Variants in CLIC4 observed in about 807,000 individuals in gnomAD.
The protein encoded by CLIC4 is chloride intracellular channel protein 4.
In CLIC4, 13 loss-of-function variants were observed where a neutral mutation model predicts 24.6. The ratio of observed to expected loss-of-function variants is 0.53; its 90% CI spans 0.34 to 0.84. The LOEUF (loss-of-function observed/expected upper bound fraction) is 0.84. CLIC4 is among the 40% of genes least tolerant of loss of function. The pLI is 0.01. For synonymous variants in CLIC4, 104 were observed against 111.3 expected, an observed-to-expected ratio of 0.93 and a Z score of 0.41; for missense variants, 227 against 301.7, an observed-to-expected ratio of 0.75 and a Z score of 1.83.
In CLIC4 at chr1:24,840,906, A is replaced by G. The variant is rs1189866820; in HGVS notation, c.731A>G (p.Tyr244Cys). 4.4e-6 allele frequency: 7 copies of G among 1,605,032 alleles called. No individual in the cohort carries two copies. Among genetic ancestry groups the G allele is most frequent in the Non-Finnish European group, 5.1e-6 (6 of 1,176,312 alleles). The change falls in exon 6 of 6, where the codon TAT becomes TGT. Residue 244 changes from tyrosine (Y) to cysteine (C), a missense_variant. Transcript: ENST00000374379. ...CPSDKEVEIA[Y>C]SDVAKRLTK is the part of the protein sequence containing the mutation. ...AGTGATAAGGAGGTTGAAATAGCAT[A>G]TAGTGATGTAGCCAAAAGACTCACC...
In CLIC4 at chr1:24,841,612, TAA is replaced by T. The variant is rs1053209625; in HGVS notation, c.*678_*679del. 6.6e-6 allele frequency: 1 copy of T among 152,328 alleles called. No homozygotes were observed. The highest frequency in any genetic ancestry group is 2.1e-4 in the South Asian group (1 of 4,832). 9.4% of individuals were successfully genotyped at this position (152,328 alleles called of 1,614,324 possible). A position where few individuals can be genotyped will look rare whatever the true frequency, so the allele number is the denominator to read the frequency against. On this transcript the variant is annotated 3_prime_UTR_variant, in exon 6 of 6. Coordinates refer to ENST00000374379, the MANE Select transcript of CLIC4 (RefSeq NM_013943.3). ...GTAACATCTGACACCATGTAGAAGCTAAAAGTTTAGAGGGAGTGAGGGTTTTC... is the reference window on the plus strand; with the variant it reads ...GTAACATCTGACACCATGTAGAAGCTAAGTTTAGAGGGAGTGAGGGTTTTC...
chr1:24,779,448 T>A (rs572529559), intron 1 of CLIC4, among the ~76,000 whole-genome samples: 1 of 152,252 alleles, frequency 6.6e-6, no homozygotes, highest in South Asian at 2.1e-4. Context: ...CCAGCCTGGG[T>A]GGCTGAGTGA....
At chr1:24,790,715 G>A (rs568039889) in intron 1 of CLIC4, among the ~76,000 whole-genome samples, 1 of 152,248 alleles carries the variant, frequency 6.6e-6, no homozygotes, top group African/African-American at 2.4e-5. Context: ...CAGGGGCAGG[G>A]GCTTGGCAGG....
chr1:24,782,828 A>G (rs1639220944), intron 1 of CLIC4, among the ~76,000 whole-genome samples: 2 of 152,056 alleles, frequency 1.3e-5, no homozygotes, highest in Admixed American at 1.3e-4. Flanking sequence ...AAAGTAAAAA[A>G]ATTAGCCAGG....
intron 2 of CLIC4, among the ~76,000 whole-genome samples, chr1:24,805,095 A>C (rs1232606205): frequency 1.4e-5 from 2 of 142,466 alleles, no homozygotes; most frequent in African/African-American, 5.1e-5. Flanking sequence ...TCAAAAAAAA[A>C]AAAAAAAAAA....
intron 4 of CLIC4, among the ~76,000 whole-genome samples, chr1:24,830,149 A>G (rs1639825646): frequency 6.6e-6 from 1 of 152,210 alleles, no homozygotes. Context: ...CAGAGAATAC[A>G]TGATTGTTGA....
intron 1 of CLIC4, among the ~76,000 whole-genome samples, chr1:24,774,700 A>T (rs1639110709): frequency 6.6e-6 from 1 of 152,076 alleles, no homozygotes; most frequent in Non-Finnish European, 1.5e-5. Flanking sequence ...CTGAGGTGGG[A>T]GGATGGCTTG....
At chr1:24,840,343 A>G (rs1040672257) in intron 5 of CLIC4, among the ~76,000 whole-genome samples, 2 of 152,206 alleles carry the variant, frequency 1.3e-5, no homozygotes, top group African/African-American at 4.8e-5. Context: ...CTGTTCTGTG[A>G]TCACACCTTG....
chr1:24,775,224 C>CTTTTTTTTTTTTTTT, intron 1 of CLIC4, among the ~76,000 whole-genome samples: 115 of 90,646 alleles, frequency 1.3e-3, no homozygotes, highest in East Asian at 2.1e-3. Flanking sequence ...TTCTTTCTTT[C>CTTTTTTTTTTTTTTT]TTTTTTTTTT....
intron 3 of CLIC4, among the ~76,000 whole-genome samples, chr1:24,820,735 C>G (rs1639721862): frequency 6.6e-6 from 1 of 152,078 alleles, no homozygotes; most frequent in African/African-American, 2.4e-5. Context: ...ATGAAGGAAA[C>G]TATTTTGTTT....
At chr1:24,785,621 A>T (rs570057813) in intron 1 of CLIC4, among the ~76,000 whole-genome samples, 2 of 152,292 alleles carry the variant, frequency 1.3e-5, no homozygotes, top group South Asian at 4.1e-4. Context: ...TGGGAGGCCA[A>T]GGTGGGCGGA....
At chr1:24,812,090 C>A (rs1436135857) in intron 2 of CLIC4, among the ~76,000 whole-genome samples, 2 of 152,122 alleles carry the variant, frequency 1.3e-5, no homozygotes, top group Non-Finnish European at 2.9e-5. Context: ...TTACATTTTT[C>A]TGTGTGTTCA....
intron 1 of CLIC4, among the ~76,000 whole-genome samples, chr1:24,757,262 C>T (rs891897060): frequency 1.3e-5 from 2 of 152,106 alleles, no homozygotes; most frequent in African/African-American, 4.8e-5. Context: ...AACTCTTGAC[C>T]TTAGGTGGTC....
At chr1:24,785,083 T>C (rs1326200940) in intron 1 of CLIC4, among the ~76,000 whole-genome samples, 1 of 129,992 alleles carries the variant, frequency 7.7e-6, no homozygotes, top group Non-Finnish European at 1.7e-5. Context: ...TATGTAGACC[T>C]TTTTTTTTTT....
chr1:24,821,758 T>C (rs571739303), intron 3 of CLIC4, among the ~76,000 whole-genome samples: 9 of 152,218 alleles, frequency 5.9e-5, no homozygotes, highest in South Asian at 2.1e-4. Context: ...TCACTTTCAA[T>C]TGGAGTCTGA....
chr1:24,818,949 A>ATATTAT, intron 3 of CLIC4, among the ~76,000 whole-genome samples: 1 of 152,066 alleles, frequency 6.6e-6, no homozygotes, highest in Non-Finnish European at 1.5e-5. Context: ...TATGTAATGT[A>ATATTAT]TATTATTATT....
At position 24,745,560 on chromosome 1, in the gene CLIC4, T is replaced by C; in HGVS notation, c.7T>C (p.Leu3=). 6.3e-7 allele frequency: 1 copy of C among 1,588,468 alleles called. No homozygotes were observed. Among genetic ancestry groups the C allele is most frequent in the Non-Finnish European group, 8.5e-7 (1 of 1,170,430 alleles). ...GAGCGCAGCCGAGCCGGCCATGGCG[T>C]TGTCGATGCCGCTGAATGGGCTGAA... is the stretch of plus-strand genomic sequence containing the variant. The part of the protein sequence containing the change: MA[L]SMPLNGLKEE... The change falls in exon 1 of 6, where the codon TTG becomes CTG. Residue 3 remains leucine (L), a synonymous_variant. Coordinates refer to ENST00000374379, the MANE Select transcript of CLIC4 (RefSeq NM_013943.3).
chr1:24,764,572 T>G (rs1638969314), intron 1 of CLIC4, among the ~76,000 whole-genome samples: 1 of 151,892 alleles, frequency 6.6e-6, no homozygotes, highest in Non-Finnish European at 1.5e-5. Flanking sequence ...GAGGATTGCT[T>G]GAGCCCAGGA....
Position 24,799,735 on chromosome 1 carries a change from C to T in CLIC4, c.182+1884C>T, listed in dbSNP as rs564478123. Among the ~76,000 whole-genome samples the T allele has an allele frequency of 5.1e-5, 7 of 135,974 alleles. No homozygotes were observed. In the South Asian group the frequency reaches 1.7e-3, roughly 33 times the overall value. 89.2% of individuals were successfully genotyped at this position (135,974 alleles called of 152,430 possible). On this transcript the variant is annotated intron_variant, in intron 2 of 5. Transcript: ENST00000374379. The stretch of plus-strand genomic sequence containing the variant: ...CCCCCCGCCCGGCCAGCCGCCCCGT[C>T]CGGGAGGGAGGTGGGGGGGTCAGCC...
Sources: gnomAD v4.1 joint callset for allele counts (sites outside exome capture counted in the v4.1 genomes callset) on GRCh38, gnomAD v4.1.1 for gene constraint, MANE v1.5 for transcripts, NCBI Gene and HGNC (gene_info 2026-07-23, HGNC 2026-07-21) for gene names.